ACAP3: variants seen among roughly 807,000 people sequenced by gnomAD.
The protein encoded by ACAP3 is ArfGAP with coiled-coil, ankyrin repeat and PH domains 3, also known as arf-GAP with coiled-coil, ANK repeat and PH domain-containing protein 3.
In ACAP3, 56 loss-of-function variants were observed where a neutral mutation model predicts 104.1. The ratio of observed to expected loss-of-function variants is 0.54; its 90% CI spans 0.43 to 0.67. The LOEUF is 0.67. Ranked by LOEUF, ACAP3 falls within the 30% of genes least tolerant of loss-of-function variation. The probability of loss-of-function intolerance (pLI) is 0.00; values close to 1 mark genes in which losing one functional copy is unlikely to be tolerated. For synonymous variants in ACAP3, 628 were observed against 496.2 expected (o/e 1.27, Z -3.53); for missense variants, 1,208 against 1,174.9 (o/e 1.03, Z -0.41).
At chr1:1,295,330 C>T (rs1411694459) in intron 19 of ACAP3, 117 bp downstream of exon 19, 2 of 936,880 alleles carry the variant, frequency 2.1e-6, no homozygotes, top group African/African-American at 3.3e-5. Flanking sequence ...CCAGGAGGCC[C>T]CCCGCCCCTT....
chr1:1,299,321 CGCCCAGGGCCCGT>C lies in ACAP3; in HGVS notation c.750+11_750+23del. 1 of 1,594,904 alleles carries C rather than the reference CGCCCAGGGCCCGT, an allele frequency of 6.3e-7. No individual in the cohort carries two copies. The highest frequency in any genetic ancestry group is 8.5e-7 in the Non-Finnish European group (1 of 1,170,872). The stretch of plus-strand genomic sequence containing the variant: ...ATCTGGTCTCCCCCGACCCACAGCC[CGCCCAGGGCCCGT>C]GCTCACTTACCTGCAGCAGCGTCTG... On this transcript the variant is annotated intron_variant, in intron 10 of 23. Transcript: ENST00000354700.
chr1:1,303,361 G>T lies in ACAP3; in HGVS notation c.106-80C>A. ...ACCACACACGGCCACTCAGAGGCAG[G>T]AAGAGCTCCCAGGGTAGGTTCCACT... On this transcript the variant is annotated intron_variant, in intron 2 of 23. Transcript: ENST00000354700. The surrounding 1 kb of genome is among the most constrained non-coding windows in gnomAD (Gnocchi z 4.0). The T allele has an allele frequency of 6.6e-7, 1 of 1,513,100 alleles. No individual in the cohort carries two copies. The highest frequency in any genetic ancestry group is 1.2e-5 in the South Asian group (1 of 82,034). The allele number at this position is 1,513,100 out of a possible 1,614,324, so 93.7% of individuals were successfully genotyped here.
chr1:1,307,154 C>G, intron 1 of ACAP3: 1 of 1,262,664 alleles, frequency 7.9e-7, no homozygotes, highest in East Asian at 5.6e-5. Context: ...CTTGTGCACA[C>G]GTCTGTGAAC....
chr1:1,296,274 C>T lies in ACAP3; in HGVS notation c.1344G>A (p.Leu448=). Residue 448 remains leucine (L), a synonymous_variant, in exon 16 of 24, where the codon CTG becomes CTA. Coordinates refer to ENST00000354700, the MANE Select transcript of ACAP3 (RefSeq NM_030649.3). ...CIECSGIHRS[L]GVHCSKVRSL... Reference sequence around the variant, plus strand: ...ACCGCACCTTGGAGCAGTGGACACCCAGGCTCCTGGAGAGCAGAGGTAGGG... The same window carrying T: ...ACCGCACCTTGGAGCAGTGGACACCTAGGCTCCTGGAGAGCAGAGGTAGGG... The T allele has an allele frequency of 6.4e-7, 1 of 1,557,592 alleles. No individual in the cohort carries two copies. Among genetic ancestry groups the T allele is most frequent in the Non-Finnish European group, 8.7e-7 (1 of 1,150,904 alleles).
At position 1,295,784 on chromosome 1, in the gene ACAP3, T is replaced by C. The variant is rs1641108537; in HGVS notation, c.1657A>G (p.Lys553Glu). The C allele has an allele frequency of 1.2e-6, 2 of 1,608,724 alleles. No individual in the cohort carries two copies. Among genetic ancestry groups the C allele is most frequent in the African/African-American group, 1.3e-5 (1 of 75,036 alleles). ...SSPRAPTARR[K>E]VRLEPVLPCV... is the part of the protein sequence containing the mutation. ...GGCAGAACGGGCTCAAGCCGGACCT[T>C]GCGGCGGGCAGTGGGAGCGCGGGGA... Residue 553 changes from lysine (K) to glutamate (E), a missense_variant, in exon 18 of 24, where the codon AAG (lysine) becomes GAG (glutamate). By Grantham distance (56) the Lys-to-Glu change is moderately conservative. Transcript: ENST00000354700.
Position 1,303,362 on chromosome 1 carries a change from A to G in ACAP3, c.106-81T>C. 2 of 1,519,272 alleles carry G rather than the reference A, an allele frequency of 1.3e-6. No individual in the cohort carries two copies. Among genetic ancestry groups the G allele is most frequent in the South Asian group, 2.4e-5 (2 of 81,826 alleles). 94.1% of individuals were successfully genotyped at this position (1,519,272 alleles called of 1,614,324 possible). A position where few individuals can be genotyped will look rare whatever the true frequency, so the allele number is the denominator to read the frequency against. Reference sequence around the variant, plus strand: ...CCACACACGGCCACTCAGAGGCAGGAAGAGCTCCCAGGGTAGGTTCCACTC... The same window carrying G: ...CCACACACGGCCACTCAGAGGCAGGGAGAGCTCCCAGGGTAGGTTCCACTC... On this transcript the variant is annotated intron_variant, in intron 2 of 23. Coordinates refer to ENST00000354700, the MANE Select transcript of ACAP3 (RefSeq NM_030649.3). The surrounding 1 kb of genome is among the most constrained non-coding windows in gnomAD (Gnocchi z 4.0).
Position 1,293,396 on chromosome 1 carries a change from G to T in ACAP3, c.*168C>A. ...GAGGCTTCAAGAGACTCAGTGTGGGGCCCTCGCTCTCCTCCTGGGCGAGCA... is the reference window on the plus strand; with the variant it reads ...GAGGCTTCAAGAGACTCAGTGTGGGTCCCTCGCTCTCCTCCTGGGCGAGCA... On this transcript the variant is annotated 3_prime_UTR_variant, in exon 24 of 24. Transcript: ENST00000354700. 1.7e-6 allele frequency: 1 copy of T among 591,774 alleles called. No homozygotes were observed. The highest frequency in any genetic ancestry group is 2.4e-6 in the Non-Finnish European group (1 of 412,130). The allele number at this position is 591,774 out of a possible 1,614,324, so 36.7% of individuals were successfully genotyped here.
intron 12 of ACAP3, 126 bp from the exon 13 acceptor site, chr1:1,298,239 G>A: frequency 1.3e-6 from 2 of 1,578,934 alleles, no homozygotes; most frequent in Non-Finnish European, 8.6e-7. Context: ...CCAGCTCTCT[G>A]CTCCCTGACT....
Position 1,303,321 on chromosome 1 carries a change from G to T in ACAP3, c.106-40C>A, listed in dbSNP as rs1641533750. The T allele has an allele frequency of 1.9e-6, 3 of 1,548,278 alleles. No homozygotes were observed. Among genetic ancestry groups the T allele is most frequent in the Non-Finnish European group, 2.6e-6 (3 of 1,146,104 alleles). On this transcript the variant is annotated intron_variant, in intron 2 of 23. Coordinates refer to ENST00000354700, the MANE Select transcript of ACAP3 (RefSeq NM_030649.3). The surrounding 1 kb of genome is among the most constrained non-coding windows in gnomAD (Gnocchi z 4.0). ...GGCGTGGTGAGCACAGTGGGCACTG[G>T]CGCCTGCACTCGCCACCACACACGG...
chr1:1,300,460 C>T, intron 6 of ACAP3, 49 bp downstream of exon 6: 7 of 1,550,264 alleles, frequency 4.5e-6, no homozygotes, highest in Non-Finnish European at 6.1e-6. Flanking sequence ...GTTGAGGCCT[C>T]CATTCGCTAC....
At chr1:1,294,026 G>A (rs1469664838) in intron 22 of ACAP3, 64 bp downstream of exon 22, 19 of 1,487,240 alleles carry the variant, frequency 1.3e-5, no homozygotes, top group Admixed American at 6.9e-5. Context: ...TGGCGGACAG[G>A]GCGTAGCCGG....
Position 1,294,492 on chromosome 1 carries a change from C to T in ACAP3, c.2049G>A (p.Ala683=), listed in dbSNP as rs1174631596. 3 of 1,542,744 alleles carry T rather than the reference C, an allele frequency of 1.9e-6. No homozygotes were observed. Among genetic ancestry groups the T allele is most frequent in the South Asian group, 1.2e-5 (1 of 84,364 alleles). The change falls in exon 21 of 24, where the codon GCG becomes GCA. Residue 683 remains alanine, a synonymous_variant. Transcript: ENST00000354700. The part of the protein sequence containing the change: ...HRAARARDLP[A]LAAALAHGAE... ...CCCCGTGGGCCAGCGCCGCCGCCAG[C>T]GCAGGAAGGTCGCGGGCACGCGCTG...
chr1:1,304,307 G>A (rs1294324189), intron 1 of ACAP3, 164 bp from the exon 2 acceptor site: 12 of 825,086 alleles, frequency 1.5e-5, no homozygotes, highest in Admixed American at 2.5e-5. Context: ...CTGGGACCAG[G>A]TTCAGTGCAC....
Position 1,296,087 on chromosome 1 carries a change from C to A in ACAP3, c.1430G>T (p.Ser477Ile). 1.2e-6 allele frequency: 2 copies of A among 1,612,806 alleles called. No homozygotes were observed. Among genetic ancestry groups the A allele is most frequent in the Non-Finnish European group, 1.7e-6 (2 of 1,179,976 alleles). ...GGCCTCATAGATCTGATTCACAGCG[C>A]TGTTTCCAAGCTCACACATCAGCTA... ...LLKLMCELGN[S>I]AVNQIYEAQC... The change falls in exon 17 of 24, where the codon AGC becomes ATC. Residue 477 changes from serine (S) to isoleucine (I), a missense_variant. Transcript: ENST00000354700.
intron 1 of ACAP3, chr1:1,307,002 G>A (rs1330371751): frequency 2.2e-6 from 1 of 459,880 alleles, no homozygotes; most frequent in African/African-American, 2.0e-5. Context: ...GGCACGCAGA[G>A]GGGCAAAGTT....
Position 1,303,334 on chromosome 1 carries a change from C to G in ACAP3, c.106-53G>C. 6.5e-7 allele frequency: 1 copy of G among 1,541,360 alleles called. No individual in the cohort carries two copies. The highest frequency in any genetic ancestry group is 8.8e-7 in the Non-Finnish European group (1 of 1,141,932). ...CAGTGGGCACTGGCGCCTGCACTCG[C>G]CACCACACACGGCCACTCAGAGGCA... is the stretch of plus-strand genomic sequence containing the variant. On this transcript the variant is annotated intron_variant, in intron 2 of 23. Coordinates refer to ENST00000354700, the MANE Select transcript of ACAP3 (RefSeq NM_030649.3). This position sits in a 1 kb window ranked among gnomAD's most constrained non-coding sequence, Gnocchi z 4.0.
chr1:1,307,328 GCACCCTA>G (rs1387539952), intron 1 of ACAP3: 15 of 1,289,188 alleles, frequency 1.2e-5, no homozygotes, highest in Non-Finnish European at 1.5e-5. Context: ...ACGTTTCCAA[GCACCCTA>G]CCCCAGGCCT....
In ACAP3 at chr1:1,293,683, C is replaced by T. The variant is rs759422476; in HGVS notation, c.2386G>A (p.Glu796Lys). Residue 796 changes from glutamate (E) to lysine (K), a missense_variant, in exon 24 of 24, where the codon GAA becomes AAA. Transcript: ENST00000354700. ...GGGGCAGCCTCGGCCTCGCGCATTT[C>T]CTCCGCCATGCGCGCCAGACGGAGC... ...TLLRLARMAE[E>K]MREAEAAPGP... 4.2e-6 allele frequency: 6 copies of T among 1,444,466 alleles called. No individual in the cohort carries two copies. Among genetic ancestry groups the T allele is most frequent in the South Asian group, 2.6e-5 (2 of 76,012 alleles). The allele number at this position is 1,444,466 out of a possible 1,614,324, so 89.5% of individuals were successfully genotyped here. A position where few individuals can be genotyped will look rare whatever the true frequency, so the allele number is the denominator to read the frequency against.
At position 1,299,336 on chromosome 1, in the gene ACAP3, C is replaced by G; in HGVS notation, c.750+9G>C. The G allele has an allele frequency of 1.9e-6, 3 of 1,592,172 alleles. No individual in the cohort carries two copies. Among genetic ancestry groups the G allele is most frequent in the South Asian group, 1.1e-5 (1 of 88,392 alleles). On this transcript the variant is annotated intron_variant, in intron 10 of 23. Coordinates refer to ENST00000354700, the MANE Select transcript of ACAP3 (RefSeq NM_030649.3). Reference sequence around the variant, plus strand: ...ACCCACAGCCCGCCCAGGGCCCGTGCTCACTTACCTGCAGCAGCGTCTGGA... The same window carrying G: ...ACCCACAGCCCGCCCAGGGCCCGTGGTCACTTACCTGCAGCAGCGTCTGGA...
Sources: gnomAD v4.1 joint callset for allele counts on GRCh38, gnomAD v4.1.1 for gene constraint, Gnocchi (gnomAD v3.1) non-coding constraint, MANE v1.5 for transcripts, NCBI Gene and HGNC (gene_info 2026-07-23, HGNC 2026-07-21) for gene names.